Variants in MARCHF1 observed in about 807,000 individuals in gnomAD.
MARCHF1 encodes the protein membrane associated ring-CH-type finger 1.
Under a neutral mutation model 54.2 loss-of-function variants are expected in MARCHF1, and 40 were observed. That is an observed-to-expected ratio of 0.74 (90% CI 0.57 to 0.96). The LOEUF is 0.96. Ranked by LOEUF, MARCHF1 falls within the 40% of genes least tolerant of loss-of-function variation. MARCHF1 has a pLI of 0.00. For missense variants in MARCHF1, 586 were observed against 656.5 expected (o/e 0.89, Z 1.17); for synonymous variants, 236 against 236.3 (o/e 1.00, Z 0.01).
chr4:164,368,392 G>T (rs1012791619), intron 1 of MARCHF1, among the ~76,000 whole-genome samples: 1 of 151,726 alleles, frequency 6.6e-6, no homozygotes. Flanking sequence ...TTATTATCTT[G>T]AATTAGTAAC....
At chr4:163,561,365 G>A (rs1739462222) in intron 8 of MARCHF1, among the ~76,000 whole-genome samples, 1 of 151,936 alleles carries the variant, frequency 6.6e-6, no homozygotes, top group South Asian at 2.1e-4. Context: ...AGCTAGTTCT[G>A]TGCCCAAAAT....
intron 2 of MARCHF1, among the ~76,000 whole-genome samples, chr4:163,997,378 C>G (rs79931480): frequency 0.012 from 1,856 of 151,964 alleles, 25 homozygotes; most frequent in African/African-American, 0.039. Context: ...TGAACATAGT[C>G]CAACAGTTAG....
chr4:164,198,380 G>T (rs1245322621), intron 1 of MARCHF1, among the ~76,000 whole-genome samples: 2 of 152,110 alleles, frequency 1.3e-5, no homozygotes, highest in Non-Finnish European at 2.9e-5. Context: ...AATTTGAGTG[G>T]CATGTATGTT....
chr4:164,260,060 G>C (rs1289628532), intron 1 of MARCHF1, among the ~76,000 whole-genome samples: 1 of 152,136 alleles, frequency 6.6e-6, no homozygotes, highest in African/African-American at 2.4e-5. Flanking sequence ...CACTGACCTA[G>C]TTGTAAGAAG....
intron 4 of MARCHF1, among the ~76,000 whole-genome samples, chr4:163,701,193 A>G (rs1463584043): frequency 6.6e-6 from 1 of 152,170 alleles, no homozygotes; most frequent in East Asian, 1.9e-4. Flanking sequence ...ACTGTAGTCT[A>G]CCATTTCCCC....
chr4:163,725,921 A>G (rs747099048), intron 4 of MARCHF1, among the ~76,000 whole-genome samples: 5 of 152,204 alleles, frequency 3.3e-5, no homozygotes, highest in East Asian at 1.9e-4. Context: ...ATGATTTCCA[A>G]TCATCTTCTA....
chr4:163,939,408 G>T (rs542342038), intron 3 of MARCHF1, among the ~76,000 whole-genome samples: 1 of 152,194 alleles, frequency 6.6e-6, no homozygotes, highest in East Asian at 1.9e-4. Flanking sequence ...GTGCATGTTA[G>T]CTCGCTAGGG....
At chr4:163,946,410 A>G (rs111735348) in intron 3 of MARCHF1, among the ~76,000 whole-genome samples, 159 of 152,130 alleles carry the variant, frequency 1.0e-3, no homozygotes, top group African/African-American at 3.6e-3. Context: ...TATAGTCCTG[A>G]TTTTCTCTAT....
intron 1 of MARCHF1, among the ~76,000 whole-genome samples, chr4:164,318,886 T>A (rs1735067042): frequency 6.6e-6 from 1 of 152,242 alleles, no homozygotes; most frequent in Admixed American, 6.5e-5. Context: ...TATGTTTATA[T>A]ATAAAACACA....
At chr4:163,712,975 T>C (rs1274913270) in intron 4 of MARCHF1, among the ~76,000 whole-genome samples, 1 of 152,126 alleles carries the variant, frequency 6.6e-6, no homozygotes, top group Non-Finnish European at 1.5e-5. Context: ...ATGAAAAAAA[T>C]CAACACAGCT....
intron 7 of MARCHF1, among the ~76,000 whole-genome samples, chr4:163,598,112 T>C (rs1471789258): frequency 6.6e-6 from 1 of 152,226 alleles, no homozygotes; most frequent in Non-Finnish European, 1.5e-5. Context: ...TCAGACATTC[T>C]ATTTAGGTAT....
chr4:163,659,268 T>C (rs1743259031), intron 5 of MARCHF1, among the ~76,000 whole-genome samples: 1 of 152,062 alleles, frequency 6.6e-6, no homozygotes, highest in Non-Finnish European at 1.5e-5. Flanking sequence ...ATACATCTGA[T>C]CTTTGACAAA....
chr4:163,768,393 T>G (rs940149852), intron 4 of MARCHF1, among the ~76,000 whole-genome samples: 5 of 152,332 alleles, frequency 3.3e-5, no homozygotes, highest in Non-Finnish European at 5.9e-5. Flanking sequence ...ATATTAATAC[T>G]TTAAGTTGCC....
At chr4:164,309,355 A>G (rs77507647) in intron 1 of MARCHF1, among the ~76,000 whole-genome samples, 5,585 of 151,998 alleles carry the variant, frequency 0.037, 196 homozygotes, top group East Asian at 0.11. Context: ...TCCCTGCCAC[A>G]TTTCAGGAAG....
At position 163,580,858 on chromosome 4, in the gene MARCHF1, A is replaced by G. The variant is rs1466150486; in HGVS notation, c.1191+4891T>C. Among the ~76,000 whole-genome samples the G allele has an allele frequency of 4.3e-4, 18 of 41,600 alleles. 4 individuals carry two copies. Among genetic ancestry groups the G allele is most frequent in the Non-Finnish European group, 7.5e-4 (15 of 20,050 alleles). 27.3% of individuals were successfully genotyped at this position (41,600 alleles called of 152,430 possible). On this transcript the variant is annotated intron_variant, in intron 8 of 9. Coordinates refer to ENST00000514618, the MANE Select transcript of MARCHF1 (RefSeq NM_001394959.1). The stretch of plus-strand genomic sequence containing the variant: ...TCGCCCAGGTCGGACTGCGGACTGC[A>G]GTGGCGCAATCTCGGCTCACTGCAA...
At chr4:163,894,799 CAT>C (rs71848924) in intron 3 of MARCHF1, among the ~76,000 whole-genome samples, 941 of 36,378 alleles carry the variant, frequency 0.026, 244 homozygotes, top group African/African-American at 0.077. Context: ...GCATGTGATG[CAT>C]ATATATACAT....
At chr4:164,108,193 T>C (rs1055625220) in intron 2 of MARCHF1, among the ~76,000 whole-genome samples, 1 of 152,172 alleles carries the variant, frequency 6.6e-6, no homozygotes, top group Non-Finnish European at 1.5e-5. Context: ...TTTATCTCCT[T>C]AGCATTGCTC....
intron 3 of MARCHF1, among the ~76,000 whole-genome samples, chr4:163,911,424 A>G (rs1751186397): frequency 6.6e-6 from 1 of 152,152 alleles, no homozygotes; most frequent in Non-Finnish European, 1.5e-5. Flanking sequence ...TTTAGGTGGG[A>G]AGTCAGTATT....
At chr4:163,982,414 T>A (rs1177314164) in intron 3 of MARCHF1, among the ~76,000 whole-genome samples, 1 of 152,202 alleles carries the variant, frequency 6.6e-6, no homozygotes, top group Admixed American at 6.5e-5. Context: ...CAAAAATTAA[T>A]GTTTGTGATT....
Sources: allele counts gnomAD v4.1 joint callset (sites outside exome capture counted in the v4.1 genomes callset), GRCh38; gene constraint gnomAD v4.1.1; transcripts MANE v1.5; gene names NCBI Gene and HGNC (gene_info 2026-07-23, HGNC 2026-07-21).